Variants in SSBP2 observed in about 807,000 individuals in gnomAD.
SSBP2 encodes the protein single-stranded DNA-binding protein 2.
SSBP2 carries 17 observed loss-of-function variants against 61.8 expected under a neutral mutation model. The observed-to-expected ratio is 0.28, with a 90% CI of 0.19 to 0.41. SSBP2 has a LOEUF of 0.41. Among genes scored for constraint, SSBP2 ranks in the 10% least tolerant of loss-of-function variants. The pLI is 1.00. For missense variants in SSBP2, 310 were observed against 458.7 expected (o/e 0.68, Z 2.96); for synonymous variants, 139 against 141.3 (o/e 0.98, Z 0.12).
chr5:81,565,017 T>C lies in SSBP2; in HGVS notation c.282+50456A>G, dbSNP rs529967291. On this transcript the variant is annotated intron_variant, in intron 4 of 16. Coordinates refer to ENST00000320672, the MANE Select transcript of SSBP2 (RefSeq NM_012446.5). ...TCCTATGATTCCCACCCCCATGCCATTGAAGTATTCTTTGCAAGAGGATAA... is the reference window on the plus strand; with the variant it reads ...TCCTATGATTCCCACCCCCATGCCACTGAAGTATTCTTTGCAAGAGGATAA... Among the ~76,000 whole-genome samples, 13 of 152,378 alleles carry C rather than the reference T, an allele frequency of 8.5e-5. No homozygotes were observed. In the South Asian group the frequency reaches 1.4e-3, roughly 17 times the overall value.
chr5:81,491,380 T>G (rs1263817483), intron 5 of SSBP2, among the ~76,000 whole-genome samples: 1 of 152,234 alleles, frequency 6.6e-6, no homozygotes, highest in Non-Finnish European at 1.5e-5. Context: ...AGTGCCTCAC[T>G]TGAAACAGAA....
intron 1 of SSBP2, chr5:81,750,738 GCC>G: frequency 1.9e-6 from 1 of 532,706 alleles, no homozygotes; most frequent in Non-Finnish European, 3.3e-6. Flanking sequence ...CACCACCGCC[GCC>G]CCTCAACACA....
chr5:81,722,074 C>T (rs1755573987), intron 1 of SSBP2, among the ~76,000 whole-genome samples: 1 of 152,040 alleles, frequency 6.6e-6, no homozygotes, highest in African/African-American at 2.4e-5. Flanking sequence ...ACATCTACTG[C>T]CCAAATGCTA....
rs1381392155 is a variant in SSBP2, at chr5:81,446,754, C to T, written c.778+114G>A. Reference sequence around the variant, plus strand: ...TCTTCCTACCATGCTGCCTCTACTCCTTTAACTATCGTGAGAACATGAATA... The same window carrying T: ...TCTTCCTACCATGCTGCCTCTACTCTTTTAACTATCGTGAGAACATGAATA... On this transcript the variant is annotated intron_variant, in intron 12 of 16. Transcript: ENST00000320672. 3 of 1,008,192 alleles carry T rather than the reference C, an allele frequency of 3.0e-6. No individual in the cohort carries two copies. In the African/African-American group the frequency reaches 5.0e-5, roughly 17 times the overall value. The allele number at this position is 1,008,192 out of a possible 1,614,324, so 62.5% of individuals were successfully genotyped here.
intron 9 of SSBP2, among the ~76,000 whole-genome samples, chr5:81,466,627 A>C (rs1026197891): frequency 6.6e-6 from 1 of 151,986 alleles, no homozygotes; most frequent in African/African-American, 2.4e-5. Flanking sequence ...TCCTGGTGTT[A>C]GCATCTCTTC....
At chr5:81,591,482 C>A (rs1775497882) in intron 4 of SSBP2, among the ~76,000 whole-genome samples, 1 of 152,038 alleles carries the variant, frequency 6.6e-6, no homozygotes, top group African/African-American at 2.4e-5. Flanking sequence ...GTTATTGGAA[C>A]TATCAGATAG....
intron 15 of SSBP2, among the ~76,000 whole-genome samples, chr5:81,433,430 A>G (rs2153933420): frequency 6.6e-6 from 1 of 152,076 alleles, no homozygotes; most frequent in African/African-American, 2.4e-5. Flanking sequence ...AAGAGTCATC[A>G]CCACTCCTTA....
chr5:81,659,361 A>G (rs912089076), intron 1 of SSBP2, among the ~76,000 whole-genome samples: 30 of 152,170 alleles, frequency 2.0e-4, no homozygotes, highest in African/African-American at 6.5e-4. Context: ...AAGCATTCCT[A>G]TACATTAACA....
intron 4 of SSBP2, among the ~76,000 whole-genome samples, chr5:81,611,721 G>A (rs1745464605): frequency 6.6e-6 from 1 of 151,946 alleles, no homozygotes; most frequent in South Asian, 2.1e-4. Context: ...TGAGAGAAGG[G>A]TGCTTATGAT....
chr5:81,499,338 T>C (rs1266409295), intron 5 of SSBP2, among the ~76,000 whole-genome samples: 5 of 152,216 alleles, frequency 3.3e-5, no homozygotes, highest in Non-Finnish European at 7.4e-5. Flanking sequence ...TACATGAATT[T>C]AGTCTAAGCA....
At chr5:81,642,199 G>A (rs554297164) in intron 2 of SSBP2, among the ~76,000 whole-genome samples, 1 of 152,316 alleles carries the variant, frequency 6.6e-6, no homozygotes, top group African/African-American at 2.4e-5. Context: ...GTTGTATTGA[G>A]TTTCGTGGGC....
chr5:81,513,988 C>T (rs933132116), intron 4 of SSBP2, among the ~76,000 whole-genome samples: 2 of 152,024 alleles, frequency 1.3e-5, no homozygotes, highest in African/African-American at 4.8e-5. Flanking sequence ...GCAAATAGTA[C>T]TATGACAAAA....
intron 4 of SSBP2, among the ~76,000 whole-genome samples, chr5:81,539,235 A>G (rs1771055035): frequency 2.0e-5 from 3 of 152,208 alleles, no homozygotes; most frequent in Admixed American, 2.0e-4. Flanking sequence ...AAGTCACTGC[A>G]AATGTAGTGG....
At chr5:81,680,218 A>C (rs1752284091) in intron 1 of SSBP2, among the ~76,000 whole-genome samples, 1 of 151,300 alleles carries the variant, frequency 6.6e-6, no homozygotes, top group Admixed American at 6.6e-5. Flanking sequence ...CTTGCAGATG[A>C]AGGATTGTGG....
intron 14 of SSBP2, among the ~76,000 whole-genome samples, chr5:81,439,807 G>C (rs1406608964): frequency 1.3e-5 from 2 of 151,764 alleles, no homozygotes; most frequent in Admixed American, 6.6e-5. Context: ...AAGTAGCTGG[G>C]ACTACAGGCA....
At chr5:81,498,364 T>C (rs1767447538) in intron 5 of SSBP2, among the ~76,000 whole-genome samples, 1 of 152,136 alleles carries the variant, frequency 6.6e-6, no homozygotes, top group African/African-American at 2.4e-5. Context: ...CTATCTCACT[T>C]GGACCTGTGT....
At chr5:81,631,487 A>C (rs1009739392) in intron 3 of SSBP2, among the ~76,000 whole-genome samples, 3 of 151,780 alleles carry the variant, frequency 2.0e-5, no homozygotes, top group Non-Finnish European at 4.4e-5. Context: ...GAAAAAAAAA[A>C]AAAACACCCC....
chr5:81,418,986 TCA>T lies in SSBP2; in HGVS notation c.*1516_*1517del, dbSNP rs1459230161. ...TGGTATTTATCAATGGTTGTTTGTATCACAATTTTAACACAAAGGATCACCCA... is the reference window on the plus strand; with the variant it reads ...TGGTATTTATCAATGGTTGTTTGTATCAATTTTAACACAAAGGATCACCCA... On this transcript the variant is annotated 3_prime_UTR_variant, in exon 17 of 17. Transcript: ENST00000320672. 5 of 152,220 alleles carry T rather than the reference TCA, an allele frequency of 3.3e-5. No individual in the cohort carries two copies. The highest frequency in any genetic ancestry group is 1.2e-4 in the African/African-American group (5 of 41,452). The allele number at this position is 152,220 out of a possible 1,614,324, so 9.4% of individuals were successfully genotyped here.
At chr5:81,612,742 T>C (rs1008332605) in intron 4 of SSBP2, among the ~76,000 whole-genome samples, 1 of 152,050 alleles carries the variant, frequency 6.6e-6, no homozygotes, top group African/African-American at 2.4e-5. Flanking sequence ...AATGCTTTCT[T>C]GAGTACTTTA....
Sources: gnomAD v4.1 joint callset for allele counts (sites outside exome capture counted in the v4.1 genomes callset) on GRCh38, gnomAD v4.1.1 for gene constraint, MANE v1.5 for transcripts, NCBI Gene and HGNC (gene_info 2026-07-23, HGNC 2026-07-21) for gene names.